Variants in PATJ observed in about 807,000 individuals in gnomAD.
PATJ encodes PATJ crumbs cell polarity complex component.
Under a neutral mutation model 224.9 loss-of-function variants are expected in PATJ, and 190 were observed. That is an observed-to-expected ratio of 0.84 (90% CI 0.75 to 0.95). The LOEUF (loss-of-function observed/expected upper bound fraction) is 0.95, where lower values mean the gene tolerates loss of function less well. PATJ is among the 40% of genes least tolerant of loss of function. PATJ has a pLI of 0.00. For synonymous variants in PATJ, 769 were observed against 820.3 expected, an observed-to-expected ratio of 0.94 and a Z score of 1.07; for missense variants, 2,121 against 2,270.3, an observed-to-expected ratio of 0.93 and a Z score of 1.34.
chr1:62,009,685 T>C (rs933016830), intron 28 of PATJ, among the ~76,000 whole-genome samples: 6 of 152,182 alleles, frequency 3.9e-5, no homozygotes, highest in Admixed American at 3.9e-4. Flanking sequence ...TCTTTCAAAA[T>C]TGGAGTCTAG....
intron 27 of PATJ, among the ~76,000 whole-genome samples, chr1:61,933,891 C>G (rs1676411901): frequency 2.0e-5 from 3 of 152,120 alleles, no homozygotes; most frequent in Admixed American, 2.0e-4. Context: ...AACAAACATA[C>G]ATGAATCTTT....
chr1:61,949,390 A>G (rs1222990042), intron 27 of PATJ, among the ~76,000 whole-genome samples: 1 of 151,540 alleles, frequency 6.6e-6, no homozygotes, highest in Non-Finnish European at 1.5e-5. Context: ...TCTAAAACCA[A>G]ATAGTTGTGA....
chr1:62,143,467 T>TTTTTTC (rs1667705809), intron 41 of PATJ, among the ~76,000 whole-genome samples: 1 of 89,474 alleles, frequency 1.1e-5, no homozygotes, highest in Non-Finnish European at 2.4e-5. Flanking sequence ...TTTTTTTTTT[T>TTTTTTC]TGAGACAGCG....
At chr1:61,991,649 C>A in intron 28 of PATJ, 3 of 985,296 alleles carry the variant, frequency 3.0e-6, no homozygotes, top group Non-Finnish European at 3.6e-6. Flanking sequence ...GAAGTCACTT[C>A]CAGGATTACT....
intron 17 of PATJ, among the ~76,000 whole-genome samples, chr1:61,838,433 C>A (rs891844989): frequency 2.0e-5 from 3 of 151,416 alleles, no homozygotes; most frequent in Admixed American, 6.6e-5. Flanking sequence ...CAGCTCACTG[C>A]AAGCTCCACC....
In PATJ at chr1:61,787,978, T is replaced by G. The variant is rs1342405482; in HGVS notation, c.1068+6T>G. The G allele has an allele frequency of 6.2e-7, 1 of 1,603,224 alleles. No homozygotes were observed. The highest frequency in any genetic ancestry group is 1.1e-5 in the South Asian group (1 of 90,848). ...CCAGCAAGGGCCCTGGTTCTGTGAGTATACATATCATTCTTTCATCTTAAA... is the reference window on the plus strand; with the variant it reads ...CCAGCAAGGGCCCTGGTTCTGTGAGGATACATATCATTCTTTCATCTTAAA... On this transcript the variant is annotated splice_donor_region_variant and intron_variant, in intron 8 of 43. Transcript: ENST00000642238.
intron 5 of PATJ, among the ~76,000 whole-genome samples, chr1:61,769,987 C>G (rs998253079): frequency 6.6e-6 from 1 of 151,918 alleles, no homozygotes; most frequent in East Asian, 1.9e-4. Flanking sequence ...TATTTGCAAG[C>G]CTTTTATTTT....
intron 1 of PATJ, among the ~76,000 whole-genome samples, chr1:61,760,049 G>A (rs887044156): frequency 6.6e-6 from 1 of 152,132 alleles, no homozygotes; most frequent in Non-Finnish European, 1.5e-5. Context: ...CCAGCAGGCC[G>A]CTCTTGTCAA....
At chr1:61,930,029 G>A (rs1675787246) in intron 27 of PATJ, among the ~76,000 whole-genome samples, 2 of 152,274 alleles carry the variant, frequency 1.3e-5, no homozygotes, top group Middle Eastern at 3.4e-3. Context: ...TACCTTAAAT[G>A]CAGAAAAAGA....
chr1:62,073,657 T>TAAAC (rs1657812060), intron 31 of PATJ, among the ~76,000 whole-genome samples: 1 of 151,386 alleles, frequency 6.6e-6, no homozygotes. Context: ...AATAAATAAA[T>TAAAC]AATAAAAGGG....
chr1:61,915,414 C>G (rs570834077), intron 26 of PATJ, among the ~76,000 whole-genome samples: 45 of 152,264 alleles, frequency 3.0e-4, no homozygotes, highest in Middle Eastern at 3.4e-3. Context: ...AGTAATCAAT[C>G]TTTTTTCCTG....
intron 41 of PATJ, among the ~76,000 whole-genome samples, chr1:62,144,863 CTTATTT>C (rs1235121417): frequency 1.4e-5 from 2 of 148,110 alleles, no homozygotes; most frequent in Non-Finnish European, 3.0e-5. Context: ...TTATTTTTAT[CTTATTT>C]TATTTTTGAG....
intron 31 of PATJ, among the ~76,000 whole-genome samples, chr1:62,066,397 T>TA (rs950605114): frequency 2.6e-5 from 4 of 152,020 alleles, no homozygotes; most frequent in Non-Finnish European, 5.9e-5. Flanking sequence ...CTTTTTTTTT[T>TA]TTTTGAGACA....
chr1:61,860,887 C>T (rs1664431254), intron 18 of PATJ, among the ~76,000 whole-genome samples: 1 of 151,542 alleles, frequency 6.6e-6, no homozygotes, highest in Non-Finnish European at 1.5e-5. Flanking sequence ...TGAACATAGG[C>T]TCTAGTACCA....
intron 33 of PATJ, among the ~76,000 whole-genome samples, chr1:62,102,926 G>A (rs1446728500): frequency 2.0e-5 from 3 of 151,250 alleles, no homozygotes; most frequent in African/African-American, 7.3e-5. Context: ...ATTGGGAGGG[G>A]GCCTATGCAT....
At chr1:61,888,735 A>C (rs1669209626) in intron 22 of PATJ, among the ~76,000 whole-genome samples, 5 of 152,198 alleles carry the variant, frequency 3.3e-5, no homozygotes, top group Admixed American at 3.3e-4. Context: ...TCTTGGACAG[A>C]AGAGAAAGTG....
chr1:62,017,253 A>C (rs577520517), intron 28 of PATJ, among the ~76,000 whole-genome samples: 28 of 152,076 alleles, frequency 1.8e-4, no homozygotes, highest in Non-Finnish European at 3.7e-4. Context: ...ATCTCTACTA[A>C]AAATACAAAA....
rs1246765514 is a variant in PATJ at position 61,801,722 on chromosome 1, G to A, written c.1502G>A (p.Arg501Lys). ...GGTGAAGATGAGGAAATTAAAGAAA[G>A]AATTGATACTTTAAAAAATGACAAC... is the stretch of plus-strand genomic sequence containing the variant. ...VDGEDEEIKERIDTLKNDNIQ... is the reference protein window; with the variant it reads ...VDGEDEEIKEKIDTLKNDNIQ... The change falls in exon 12 of 44, where the codon AGA becomes AAA. Residue 501 changes from arginine (R) to lysine (K), a missense_variant. Arg to Lys is a conservative substitution (Grantham distance 26, BLOSUM62 2). Transcript: ENST00000642238. 1.9e-6 allele frequency: 3 copies of A among 1,599,274 alleles called. No homozygotes were observed. Among genetic ancestry groups the A allele is most frequent in the Non-Finnish European group, 2.6e-6 (3 of 1,170,278 alleles).
intron 22 of PATJ, among the ~76,000 whole-genome samples, chr1:61,892,439 G>A (rs1298036199): frequency 6.6e-6 from 1 of 152,130 alleles, no homozygotes; most frequent in African/African-American, 2.4e-5. Flanking sequence ...CAAAGAGTTT[G>A]TATATCATGA....
Sources: gnomAD v4.1 joint callset for allele counts (sites outside exome capture counted in the v4.1 genomes callset) on GRCh38, gnomAD v4.1.1 for gene constraint, MANE v1.5 for transcripts, NCBI Gene and HGNC (gene_info 2026-07-23, HGNC 2026-07-21) for gene names.